PCSK6: variants seen among roughly 807,000 people sequenced by gnomAD.
PCSK6 encodes the protein paired basic amino acid cleaving enzyme 4.
Under a neutral mutation model 123.3 loss-of-function variants are expected in PCSK6, and 85 were observed. That is an observed-to-expected ratio of 0.69 (90% CI 0.58 to 0.83). The LOEUF (loss-of-function observed/expected upper bound fraction) is 0.83. Ranked by LOEUF, PCSK6 falls within the 40% of genes least tolerant of loss-of-function variation. The pLI is 0.00. For synonymous variants in PCSK6, 508 were observed against 516.0 expected (o/e 0.98, Z 0.21); for missense variants, 1,191 against 1,282.3 (o/e 0.93, Z 1.09).
chr15:101,387,377 A>G (rs958364946), intron 9 of PCSK6, among the ~76,000 whole-genome samples: 5 of 152,144 alleles, frequency 3.3e-5, no homozygotes, highest in Non-Finnish European at 5.9e-5. Flanking sequence ...AGCAGGGCGT[A>G]CTCGAAGACG....
In PCSK6 at chr15:101,380,586, C is replaced by G. The variant is rs563171070; in HGVS notation, c.1532+1506G>C. Among the ~76,000 whole-genome samples, 5 of 152,332 alleles carry G rather than the reference C, an allele frequency of 3.3e-5. No individual in the cohort carries two copies. The South Asian group carries it at 1.0e-3, about 32-fold the overall frequency. On this transcript the variant is annotated intron_variant, in intron 11 of 21. Coordinates refer to ENST00000611716, the MANE Select transcript of PCSK6 (RefSeq NM_002570.5). ...CTTGTCAGGTGTCTGGCCGACCTGTCGGGGCCTGCAGTGACCACTCAGCGG... is the reference window on the plus strand; with the variant it reads ...CTTGTCAGGTGTCTGGCCGACCTGTGGGGGCCTGCAGTGACCACTCAGCGG...
chr15:101,346,932 A>G (rs2040747038), intron 13 of PCSK6: 2 of 1,231,452 alleles, frequency 1.6e-6, no homozygotes, highest in Admixed American at 4.2e-5. Context: ...TCAAACGAGG[A>G]GAGTTTTGGG....
At chr15:101,360,844 C>T (rs1432916486) in intron 13 of PCSK6, among the ~76,000 whole-genome samples, 1 of 152,244 alleles carries the variant, frequency 6.6e-6, no homozygotes, top group East Asian at 1.9e-4. Flanking sequence ...TCCCGGTACA[C>T]CCTGAAATGC....
intron 1 of PCSK6, among the ~76,000 whole-genome samples, chr15:101,481,313 C>T (rs1212113660): frequency 8.4e-6 from 1 of 118,488 alleles, no homozygotes; most frequent in Non-Finnish European, 1.9e-5. Flanking sequence ...GGCTGAGGGG[C>T]GAATCTGGTG....
intron 18 of PCSK6, among the ~76,000 whole-genome samples, chr15:101,321,247 T>A (rs1395661331): frequency 6.6e-6 from 1 of 152,214 alleles, no homozygotes; most frequent in Non-Finnish European, 1.5e-5. Flanking sequence ...GGCCAGTTCA[T>A]CCTTTCACTC....
chr15:101,445,538 C>T lies in PCSK6; in HGVS notation c.298-1878G>A, dbSNP rs1003077166. Among the ~76,000 whole-genome samples the T allele has an allele frequency of 4.6e-5, 7 of 152,316 alleles. No individual in the cohort carries two copies. The East Asian group carries it at 1.3e-3, about 29-fold the overall frequency. ...ACAAGCACTTTTATTTTTCTTCCTA[C>T]AGATAAGTCACCTTGCTCACTTCTT... On this transcript the variant is annotated intron_variant, in intron 1 of 21. Transcript: ENST00000611716.
Position 101,382,186 on chromosome 15 carries a change from A to G in PCSK6, c.1438T>C (p.Leu480=), listed in dbSNP as rs1335462416. 1.9e-6 allele frequency: 3 copies of G among 1,612,196 alleles called. No individual in the cohort carries two copies. The highest frequency in any genetic ancestry group is 2.5e-6 in the Non-Finnish European group (3 of 1,179,280). Reference sequence around the variant, plus strand: ...ACAACGAGAGCTTCTGCGTCCACCAAACCAAATCCATAGAAATGGCTAACT... The same window carrying G: ...ACAACGAGAGCTTCTGCGTCCACCAGACCAAATCCATAGAAATGGCTAACT... ...HKVSHFYGFG[L]VDAEALVVEA... Residue 480 remains leucine (L), a synonymous_variant, in exon 11 of 22, where the codon TTG becomes CTG. Coordinates refer to ENST00000611716, the MANE Select transcript of PCSK6 (RefSeq NM_002570.5).
chr15:101,402,216 T>C (rs1446575584), intron 6 of PCSK6, among the ~76,000 whole-genome samples: 2 of 146,414 alleles, frequency 1.4e-5, no homozygotes, highest in African/African-American at 2.6e-5. Context: ...TGGCTAGCCA[T>C]ATGTAGAAAG....
At chr15:101,342,129 CAAAAAAAAAA>C (rs35083182) in intron 13 of PCSK6, among the ~76,000 whole-genome samples, 41 of 51,516 alleles carry the variant, frequency 8.0e-4, no homozygotes, top group African/African-American at 2.9e-3. Flanking sequence ...GACCCTGTCT[CAAAAAAAAAA>C]AAAAAAAAAA....
chr15:101,315,857 C>T (rs1220618328), intron 19 of PCSK6, among the ~76,000 whole-genome samples: 1 of 152,262 alleles, frequency 6.6e-6, no homozygotes, highest in African/African-American at 2.4e-5. Context: ...AACCTCCATG[C>T]CAGGACACAC....
chr15:101,331,804 T>C (rs770515528), intron 14 of PCSK6, 48 bp downstream of exon 14: 7 of 1,607,712 alleles, frequency 4.4e-6, no homozygotes, highest in Admixed American at 3.4e-5. Flanking sequence ...CTCTGGACAA[T>C]CAAAGCTCGT....
Position 101,328,816 on chromosome 15 carries a change from G to A in PCSK6, c.2078-2337C>T, listed in dbSNP as rs117833514. 3.7e-3 allele frequency among the ~76,000 whole-genome samples: 566 copies of A among 152,248 alleles called. 4 individuals are homozygous for A. Among genetic ancestry groups the A allele is most frequent in the Middle Eastern group, 0.014 (4 of 294 alleles). On this transcript the variant is annotated intron_variant, in intron 15 of 21. Transcript: ENST00000611716. Reference sequence around the variant, plus strand: ...TCTGTAAACAAACCTCCCCAGTATGGCTGTCCACTTGAATTGTGTTTAAAA... The same window carrying A: ...TCTGTAAACAAACCTCCCCAGTATGACTGTCCACTTGAATTGTGTTTAAAA...
chr15:101,460,837 T>G (rs1408785908), intron 1 of PCSK6, among the ~76,000 whole-genome samples: 1 of 152,146 alleles, frequency 6.6e-6, no homozygotes, highest in African/African-American at 2.4e-5. Context: ...AAAAAAATAC[T>G]TAGAATGGAA....
chr15:101,354,521 A>G (rs1567160571), intron 13 of PCSK6, among the ~76,000 whole-genome samples: 1 of 152,282 alleles, frequency 6.6e-6, no homozygotes, highest in Non-Finnish European at 1.5e-5. Flanking sequence ...CTCACAAGTG[A>G]AGAACTGAAG....
chr15:101,408,670 GC>G (rs1326002727), intron 6 of PCSK6, among the ~76,000 whole-genome samples: 1 of 152,186 alleles, frequency 6.6e-6, no homozygotes, highest in Non-Finnish European at 1.5e-5. Flanking sequence ...ATCCCCCCAA[GC>G]CCCCCAGTGC....
chr15:101,368,532 C>T (rs2041470107), intron 12 of PCSK6, among the ~76,000 whole-genome samples: 1 of 152,170 alleles, frequency 6.6e-6, no homozygotes, highest in Admixed American at 6.5e-5. Flanking sequence ...GCCAACTCTC[C>T]AGGGTCACTG....
At chr15:101,369,929 G>C (rs1003630848) in intron 12 of PCSK6, among the ~76,000 whole-genome samples, 1 of 152,172 alleles carries the variant, frequency 6.6e-6, no homozygotes, top group African/African-American at 2.4e-5. Context: ...GCTGGTGGGG[G>C]GACAAACAGT....
At position 101,331,993 on chromosome 15, in the gene PCSK6, C is replaced by G. The variant is rs564182727; in HGVS notation, c.1897G>C (p.Ala633Pro). The G allele has an allele frequency of 3.7e-6, 6 of 1,612,906 alleles. No homozygotes were observed. The African/African-American group carries it at 4.0e-5, about 11-fold the overall frequency. Residue 633 changes from alanine (A) to proline (P), a missense_variant, in exon 14 of 22, where the codon GCA (alanine) becomes CCA (proline). Coordinates refer to ENST00000611716, the MANE Select transcript of PCSK6 (RefSeq NM_002570.5). The stretch of plus-strand genomic sequence containing the variant: ...CTGAAGGTGTGGTACGGGTGCTCTG[C>G]TGTGCCATACAGTATGAGGCTCCAT... ...KEWSLILYGT[A>P]EHPYHTFSAH...
At chr15:101,482,402 C>A (rs891317809) in intron 1 of PCSK6, among the ~76,000 whole-genome samples, 1 of 152,164 alleles carries the variant, frequency 6.6e-6, no homozygotes, top group South Asian at 2.1e-4. Flanking sequence ...AGGCCAGCCA[C>A]CCAGGGCAAG....
Sources: gnomAD v4.1 joint callset for allele counts (sites outside exome capture counted in the v4.1 genomes callset) on GRCh38, gnomAD v4.1.1 for gene constraint, MANE v1.5 for transcripts, NCBI Gene and HGNC (gene_info 2026-07-23, HGNC 2026-07-21) for gene names.